Variants in CTNNA2 observed in about 807,000 individuals in gnomAD.
The protein encoded by CTNNA2 is catenin alpha-2.
Under a neutral mutation model 101.0 loss-of-function variants are expected in CTNNA2, and 42 were observed. The ratio of observed to expected loss-of-function variants is 0.42; its 90% CI spans 0.32 to 0.54. The LOEUF is 0.54. CTNNA2 is among the 20% of genes least tolerant of loss of function. The pLI is 0.14. For synonymous variants in CTNNA2, 450 were observed against 456.4 expected (o/e 0.99, Z 0.18); for missense variants, 871 against 1,223.1 (o/e 0.71, Z 4.29).
chr2:80,436,003 T>C (rs1681992484), intron 9 of CTNNA2, among the ~76,000 whole-genome samples: 1 of 152,208 alleles, frequency 6.6e-6, no homozygotes, highest in African/African-American at 2.4e-5. Flanking sequence ...ATTTTTTAAA[T>C]GAAAAGATAG....
intron 7 of CTNNA2, among the ~76,000 whole-genome samples, chr2:80,078,134 A>C (rs1403599109): frequency 6.6e-6 from 1 of 152,176 alleles, no homozygotes; most frequent in Non-Finnish European, 1.5e-5. Context: ...CCATTTATTA[A>C]ACTGACTAGA....
intron 4 of CTNNA2, among the ~76,000 whole-genome samples, chr2:79,454,686 C>T (rs550387631): frequency 4.1e-4 from 62 of 151,876 alleles, no homozygotes; most frequent in African/African-American, 9.9e-4. Context: ...ATTGAGTCTA[C>T]GTGGCCAGCC....
intron 2 of CTNNA2, among the ~76,000 whole-genome samples, chr2:79,739,735 G>A (rs1402728649): frequency 6.6e-5 from 10 of 152,154 alleles, no homozygotes; most frequent in Middle Eastern, 3.2e-3. Context: ...TCAAACTTAC[G>A]CACAGATACC....
chr2:79,235,362 G>T (rs1441217139), intron 2 of CTNNA2, among the ~76,000 whole-genome samples: 1 of 152,082 alleles, frequency 6.6e-6, no homozygotes, highest in Non-Finnish European at 1.5e-5. Flanking sequence ...TGGCAGATAG[G>T]CTCTTACTCT....
In CTNNA2 at chr2:80,498,135, C is replaced by T. The variant is rs569206545; in HGVS notation, c.1291-46847C>T. ...TTAATAAACAACAAACAAACAACAA[C>T]CAAAAAAACCACTCTGTGCACAACC... On this transcript the variant is annotated intron_variant, in intron 9 of 18. Coordinates refer to ENST00000402739, the MANE Select transcript of CTNNA2 (RefSeq NM_001282597.3). Among the ~76,000 whole-genome samples the T allele has an allele frequency of 2.2e-4, 34 of 152,242 alleles. No individual in the cohort carries two copies. In the Middle Eastern group the frequency reaches 0.01, roughly 46 times the overall value.
At chr2:79,225,190 A>T (rs1011409552) in intron 2 of CTNNA2, among the ~76,000 whole-genome samples, 11 of 152,148 alleles carry the variant, frequency 7.2e-5, no homozygotes, top group African/African-American at 1.9e-4. Context: ...AGTTTTATTT[A>T]AAAATGTCAG....
At chr2:79,791,406 A>C (rs1675261076) in intron 3 of CTNNA2, among the ~76,000 whole-genome samples, 1 of 152,182 alleles carries the variant, frequency 6.6e-6, no homozygotes, top group Admixed American at 6.5e-5. Flanking sequence ...TAAAATAAAG[A>C]AATGGATTTA....
At chr2:80,484,751 A>G (rs75457715) in intron 9 of CTNNA2, among the ~76,000 whole-genome samples, 1 of 152,186 alleles carries the variant, frequency 6.6e-6, no homozygotes, top group Non-Finnish European at 1.5e-5. Flanking sequence ...TCACACCTGT[A>G]ATCCCAGCAC....
intron 4 of CTNNA2, among the ~76,000 whole-genome samples, chr2:79,473,038 G>A (rs1283090145): frequency 6.6e-6 from 1 of 152,032 alleles, no homozygotes; most frequent in Non-Finnish European, 1.5e-5. Flanking sequence ...ACTTGATTCT[G>A]TCTGAGACCT....
At chr2:80,324,191 A>G (rs1679006991) in intron 7 of CTNNA2, among the ~76,000 whole-genome samples, 1 of 152,218 alleles carries the variant, frequency 6.6e-6, no homozygotes, top group Non-Finnish European at 1.5e-5. Context: ...GCTAAGTGAC[A>G]CATGAATATG....
chr2:79,541,327 CTATA>C (rs10541674), intron 1 of CTNNA2, among the ~76,000 whole-genome samples: 67,455 of 146,008 alleles, frequency 0.46, 15,675 homozygotes, highest in Non-Finnish European at 0.5. Context: ...CACAGATATC[CTATA>C]TATATATATA....
rs184644059 is a variant in CTNNA2, at chr2:79,874,026, T to G, written c.586-50T>G. On this transcript the variant is annotated intron_variant, in intron 5 of 18. Transcript: ENST00000402739. ...TGACTCCAAACTGTGTTGCAAATAT[T>G]TCTATGCAAATTTCATGTGTGTGAC... The G allele has an allele frequency of 9.4e-6, 15 of 1,600,286 alleles. No individual in the cohort carries two copies. The East Asian group carries it at 3.4e-4, about 36-fold the overall frequency.
At chr2:79,531,623 C>T (rs1672748596) in intron 1 of CTNNA2, among the ~76,000 whole-genome samples, 1 of 151,894 alleles carries the variant, frequency 6.6e-6, no homozygotes, top group Non-Finnish European at 1.5e-5. Context: ...ACAAAAGATA[C>T]ACACAGAGGT....
intron 7 of CTNNA2, among the ~76,000 whole-genome samples, chr2:79,985,543 A>G (rs1476565463): frequency 6.6e-6 from 1 of 152,206 alleles, no homozygotes; most frequent in Non-Finnish European, 1.5e-5. Flanking sequence ...ATGGACAGAC[A>G]ATAAGTAAGG....
chr2:80,558,610 C>T (rs1297727659), intron 12 of CTNNA2, among the ~76,000 whole-genome samples: 1 of 152,036 alleles, frequency 6.6e-6, no homozygotes, highest in African/African-American at 2.4e-5. Context: ...AAATTATCTA[C>T]CTTTTGCTTA....
chr2:79,192,645 A>ATTTCGTCCATT (rs1442912386), intron 1 of CTNNA2, among the ~76,000 whole-genome samples: 16 of 152,170 alleles, frequency 1.1e-4, no homozygotes, highest in Non-Finnish European at 2.4e-4. Context: ...ACATAATCAA[A>ATTTCGTCCATT]TGATGGACGA....
In CTNNA2 at chr2:79,303,478, G is replaced by T. The variant is rs149395435; in HGVS notation, c.-405-9231G>T. On this transcript the variant is annotated intron_variant, in intron 2 of 21. Coordinates refer to the CTNNA2 transcript ENST00000466387. Reference sequence around the variant, plus strand: ...GAGGTGGTCATGTATATTTACAAGCGTGTCTTTCAGGGTGCACTTCTTAAT... The same window carrying T: ...GAGGTGGTCATGTATATTTACAAGCTTGTCTTTCAGGGTGCACTTCTTAAT... Among the ~76,000 whole-genome samples the T allele has an allele frequency of 2.3e-3, 355 of 152,214 alleles. 1 individual carries two copies. Among genetic ancestry groups the T allele is most frequent in the African/African-American group, 8.2e-3 (341 of 41,538 alleles).
intron 3 of CTNNA2, among the ~76,000 whole-genome samples, chr2:79,752,277 C>T (rs761894700): frequency 1.2e-4 from 19 of 152,030 alleles, no homozygotes; most frequent in African/African-American, 1.9e-4. Flanking sequence ...AAATATCCAG[C>T]GAACAAAGAA....
At chr2:80,266,658 A>T (rs1673024796) in intron 7 of CTNNA2, among the ~76,000 whole-genome samples, 2 of 152,248 alleles carry the variant, frequency 1.3e-5, no homozygotes, top group South Asian at 4.1e-4. Context: ...GTGCAGTATT[A>T]AAAAAGATAA....
Sources: gnomAD v4.1 joint callset for allele counts (sites outside exome capture counted in the v4.1 genomes callset) on GRCh38, gnomAD v4.1.1 for gene constraint, MANE v1.5 for transcripts, NCBI Gene and HGNC (gene_info 2026-07-23, HGNC 2026-07-21) for gene names.